Variants in GYG2 observed in about 807,000 individuals in gnomAD.
The protein encoded by GYG2 is glycogenin 2.
A neutral mutation model predicts 29.4 loss-of-function variants in GYG2; 29 were observed. That is an observed-to-expected ratio of 0.99 (90% CI 0.74 to 1.35). The LOEUF (loss-of-function observed/expected upper bound fraction) is 1.35, where lower values mean the gene tolerates loss of function less well. GYG2 is among the 40% of genes most tolerant of loss of function. The probability of loss-of-function intolerance (pLI) is 0.00; values close to 1 mark genes in which losing one functional copy is unlikely to be tolerated. For missense variants in GYG2, 370 were observed against 385.7 expected, an observed-to-expected ratio of 0.96 and a Z score of 0.34; for synonymous variants, 167 against 172.3, an observed-to-expected ratio of 0.97 and a Z score of 0.24.
At chrX:2,877,850 A>G in intron 10 of GYG2, 1 of 749,357 alleles carries the variant, frequency 1.3e-6, no homozygotes, top group East Asian at 1.5e-4. Context: ...ATGATCTAAT[A>G]ATGCCATTTG....
At chrX:2,849,768 C>G (rs777626622) in intron 3 of GYG2, among the ~76,000 whole-genome samples, 2 of 111,685 alleles carry the variant, frequency 1.8e-5, no homozygotes, top group South Asian at 7.6e-4. Flanking sequence ...CCTCAAAGAT[C>G]TTTGAGGAAA....
At chrX:2,872,673 T>C (rs989091762) in intron 8 of GYG2, among the ~76,000 whole-genome samples, 30 of 112,444 alleles carry the variant, frequency 2.7e-4, no homozygotes, top group African/African-American at 9.0e-4. Flanking sequence ...GTGTTTATCG[T>C]TGGGAGAAAT....
chrX:2,838,928 G>T (rs2087438318), intron 2 of GYG2, among the ~76,000 whole-genome samples: 1 of 112,041 alleles, frequency 8.9e-6, no homozygotes, highest in South Asian at 3.6e-4. Flanking sequence ...TCTGTTCCTT[G>T]AACTTCTATT....
At chrX:2,841,063 A>T (rs138707854) in intron 2 of GYG2, among the ~76,000 whole-genome samples, 1 of 110,939 alleles carries the variant, frequency 9.0e-6, no homozygotes, top group Non-Finnish European at 1.9e-5. Context: ...GATTATAGTA[A>T]GATAGATAAT....
At chrX:2,863,777 G>GCCTGGC (rs2088231729) in intron 8 of GYG2, among the ~76,000 whole-genome samples, 1 of 111,531 alleles carries the variant, frequency 9.0e-6, no homozygotes, top group Non-Finnish European at 1.9e-5. Context: ...CATAGCCTGG[G>GCCTGGC]CCTGGCCCCA....
At chrX:2,866,665 G>A (rs1358033364) in intron 8 of GYG2, among the ~76,000 whole-genome samples, 1 of 111,298 alleles carries the variant, frequency 9.0e-6, no homozygotes, top group Non-Finnish European at 1.9e-5. Flanking sequence ...ATAGCTGGAC[G>A]GAGGATATTG....
At chrX:2,877,155 C>T (rs748197944) in intron 9 of GYG2, 45 bp from the exon 10 acceptor site, 104 of 1,193,705 alleles carry the variant, frequency 8.7e-5, no homozygotes, top group Non-Finnish European at 1.1e-4. Context: ...GGCTACAGTT[C>T]CCTGCAGCCC....
At chrX:2,841,493 G>A (rs749670166) in intron 2 of GYG2, among the ~76,000 whole-genome samples, 3 of 111,610 alleles carry the variant, frequency 2.7e-5, no homozygotes, top group Non-Finnish European at 5.6e-5. Context: ...GGTATCTTTT[G>A]TTCTACAGAA....
intron 6 of GYG2, 49 bp downstream of exon 6, chrX:2,856,673 C>G: frequency 9.1e-7 from 1 of 1,093,079 alleles, no homozygotes; most frequent in Middle Eastern, 2.9e-4. Context: ...ACTACCGATC[C>G]ACCTTCCCTC....
At chrX:2,830,324 G>C in intron 2 of GYG2, 129 bp downstream of exon 2, 1 of 584,174 alleles carries the variant, frequency 1.7e-6, no homozygotes, top group Non-Finnish European at 2.8e-6. Flanking sequence ...CCCCCTTACT[G>C]CCTCGCCCAG....
At chrX:2,878,148 C>T in intron 10 of GYG2, 2 of 742,116 alleles carry the variant, frequency 2.7e-6, no homozygotes, top group Non-Finnish European at 3.2e-6. Flanking sequence ...TCATTTGAGG[C>T]TCTGTGAATT....
chrX:2,880,002 T>C (rs2088685504), intron 10 of GYG2, among the ~76,000 whole-genome samples: 2 of 112,045 alleles, frequency 1.8e-5, no homozygotes, highest in Non-Finnish European at 3.8e-5. Context: ...GTAGATGAGA[T>C]AGATGATAAA....
At chrX:2,853,327 C>T (rs921070370) in intron 3 of GYG2, among the ~76,000 whole-genome samples, 13 of 111,028 alleles carry the variant, frequency 1.2e-4, no homozygotes, top group South Asian at 3.9e-4. Flanking sequence ...TCTCCTGCTT[C>T]GGCCTCCTGA....
At chrX:2,879,416 C>T (rs1000432805) in intron 10 of GYG2, among the ~76,000 whole-genome samples, 2 of 110,023 alleles carry the variant, frequency 1.8e-5, no homozygotes, top group African/African-American at 6.6e-5. Flanking sequence ...TACAGTCACC[C>T]ACGACCAAGC....
At chrX:2,856,999 CTAT>C (rs2088022531) in intron 6 of GYG2, among the ~76,000 whole-genome samples, 2 of 79,335 alleles carry the variant, frequency 2.5e-5, no homozygotes, top group Non-Finnish European at 5.6e-5. Context: ...ATCTATCTAT[CTAT>C]CTATCTATCC....
At chrX:2,873,010 A>G (rs1444811670) in intron 8 of GYG2, among the ~76,000 whole-genome samples, 1 of 112,168 alleles carries the variant, frequency 8.9e-6, no homozygotes, top group Non-Finnish European at 1.9e-5. Context: ...TGCAAGGCGC[A>G]TACCCAAATC....
intron 8 of GYG2, among the ~76,000 whole-genome samples, chrX:2,870,471 G>C (rs747900367): frequency 9.0e-6 from 1 of 111,481 alleles, no homozygotes; most frequent in Non-Finnish European, 1.9e-5. Context: ...CCAAAGTGCT[G>C]GCATTACAGG....
chrX:2,864,013 A>G (rs958628475), intron 8 of GYG2, among the ~76,000 whole-genome samples: 15 of 112,533 alleles, frequency 1.3e-4, no homozygotes, highest in South Asian at 3.7e-4. Context: ...GTGGCATTCA[A>G]GGCTCATGCT....
At position 2,860,202 on chromosome X, in the gene GYG2, G is replaced by A. The variant is rs187330726; in HGVS notation, c.837+137G>A. ...ATTTCATGGAAAAGAATACTGAGAA[G>A]CAAGCACCTGTTAAAAAAATTTTTA... On this transcript the variant is annotated intron_variant, in intron 7 of 10. Transcript: ENST00000398806. 4 of 439,716 alleles carry A rather than the reference G, an allele frequency of 9.1e-6. No homozygotes were observed. The Admixed American group carries it at 1.3e-4, about 14-fold the overall frequency. The allele number at this position is 439,716 out of a possible 1,213,427, so 36.2% of individuals were successfully genotyped here.
Sources: allele counts gnomAD v4.1 joint callset (sites outside exome capture counted in the v4.1 genomes callset), GRCh38; gene constraint gnomAD v4.1.1; transcripts MANE v1.5; gene names NCBI Gene and HGNC (gene_info 2026-07-23, HGNC 2026-07-21).